UBL5: variants seen among roughly 807,000 people sequenced by gnomAD.
The protein encoded by UBL5 is ubiquitin like 5.
UBL5 carries 13 observed loss-of-function variants against 11.7 expected under a neutral mutation model. The observed-to-expected ratio is 1.11, with a 90% confidence interval of 0.73 to 1.77. UBL5 has a LOEUF of 1.77. Ranked by LOEUF, UBL5 falls within the 40% of genes most tolerant of loss-of-function variation. UBL5 has a pLI of 0.00. For synonymous variants in UBL5, 28 were observed against 34.7 expected, an observed-to-expected ratio of 0.81 and a Z score of 0.68; for missense variants, 58 against 92.3, an observed-to-expected ratio of 0.63 and a Z score of 1.52.
In UBL5 at chr19:9,828,420, G is replaced by A. The variant is rs577171358; in HGVS notation, c.56+27G>A. On this transcript the variant is annotated intron_variant, in intron 2 of 4. Transcript: ENST00000586895. Reference sequence around the variant, plus strand: ...TATCCACTGGCAGCCGAGAGGCAGTGGTACCCGCAGGGGTGCTTGGCGTGA... The same window carrying A: ...TATCCACTGGCAGCCGAGAGGCAGTAGTACCCGCAGGGGTGCTTGGCGTGA... 68 of 1,614,004 alleles carry A rather than the reference G, an allele frequency of 4.2e-5. No homozygotes were observed. The South Asian group carries it at 6.9e-4, about 16-fold the overall frequency.
chr19:9,828,291 C>G (rs781089294), intron 1 of UBL5, 36 bp from the exon 2 acceptor site: 1 of 1,604,088 alleles, frequency 6.2e-7, no homozygotes, highest in Admixed American at 1.7e-5. Context: ...GAAGCTCTGA[C>G]TTTGCTGCCT....
At chr19:9,829,147 A>C (rs1441482380) in intron 4 of UBL5, 1 of 488,344 alleles carries the variant, frequency 2.0e-6, no homozygotes, top group East Asian at 3.2e-5. Flanking sequence ...AGGCATATCT[A>C]TTGTGCAAAA....
intron 1 of UBL5, 158 bp downstream of exon 1, chr19:9,828,142 C>G (rs1417712597): frequency 3.2e-6 from 2 of 624,422 alleles, no homozygotes; most frequent in African/African-American, 3.7e-5. Flanking sequence ...GGTTCGCGGC[C>G]CTGGGACAGG....
chr19:9,829,061 T>C lies in UBL5; in HGVS notation c.178+187T>C. 17 of 632,626 alleles carry C rather than the reference T, an allele frequency of 2.7e-5. 1 individual carries two copies. The highest frequency in any genetic ancestry group is 2.8e-6 in the Non-Finnish European group (1 of 358,618). 39.2% of individuals were successfully genotyped at this position (632,626 alleles called of 1,614,324 possible). On this transcript the variant is annotated intron_variant, in intron 4 of 4. Transcript: ENST00000586895. Reference sequence around the variant, plus strand: ...GGAGGAGAGTGGTTGGTGAAATAGTTTGACTTCAAGTTCAAAATATTTATT... The same window carrying C: ...GGAGGAGAGTGGTTGGTGAAATAGTCTGACTTCAAGTTCAAAATATTTATT...
rs376951970 is a variant in UBL5 at position 9,828,575 on chromosome 19, A to C, written c.57-17A>C. On this transcript the variant is annotated splice_polypyrimidine_tract_variant and intron_variant, in intron 2 of 4. Coordinates refer to ENST00000586895, the MANE Select transcript of UBL5 (RefSeq NM_001048241.3). Reference sequence around the variant, plus strand: ...TCGTTCTACCGCTTCCATTTGCCTTAACTGCTCTGCGCCCAGCACGGATGA... The same window carrying C: ...TCGTTCTACCGCTTCCATTTGCCTTCACTGCTCTGCGCCCAGCACGGATGA... 1.9e-6 allele frequency: 3 copies of C among 1,614,048 alleles called. No homozygotes were observed. In the African/African-American group the frequency reaches 4.0e-5, roughly 22 times the overall value.
At chr19:9,828,494 A>T in intron 2 of UBL5, 98 bp from the exon 3 acceptor site, 2 of 1,606,384 alleles carry the variant, frequency 1.2e-6, no homozygotes, top group Non-Finnish European at 1.7e-6. Flanking sequence ...TAAACCCGGG[A>T]GAGGGGGCGG....
intron 4 of UBL5, 161 bp from the exon 5 acceptor site, chr19:9,829,804 C>T: frequency 1.4e-6 from 1 of 720,792 alleles, no homozygotes; most frequent in Non-Finnish European, 2.3e-6. Context: ...GCCAGAAATT[C>T]TTTTGTAAAG....
chr19:9,830,012 A>G lies in UBL5; in HGVS notation c.*4A>G. The G allele has an allele frequency of 6.2e-7, 1 of 1,614,002 alleles. No individual in the cohort carries two copies. Among genetic ancestry groups the G allele is most frequent in the Non-Finnish European group, 8.5e-7 (1 of 1,179,926 alleles). On this transcript the variant is annotated 3_prime_UTR_variant, in exon 5 of 5. Coordinates refer to ENST00000586895, the MANE Select transcript of UBL5 (RefSeq NM_001048241.3). ...CCTGGAGCTTTATTATCAATAGATG[A>G]GAATCCTCATCTTCCTGCCCCGCTT...
At chr19:9,829,433 G>A (rs909058249) in intron 4 of UBL5, 16 of 160,564 alleles carry the variant, frequency 1.0e-4, no homozygotes, top group South Asian at 3.2e-4. Flanking sequence ...CTCCCGCCTC[G>A]GCCTCCCAAA....
rs373090792 is a variant in UBL5 at position 9,828,928 on chromosome 19, C to G, written c.178+54C>G. On this transcript the variant is annotated intron_variant, in intron 4 of 4. Coordinates refer to ENST00000586895, the MANE Select transcript of UBL5 (RefSeq NM_001048241.3). ...CATCTACATACCCAGCCTCGGTTAT[C>G]TGTTCAAAACTAAAGTCTGCATGAG... 73 of 1,555,816 alleles carry G rather than the reference C, an allele frequency of 4.7e-5. No homozygotes were observed. The African/African-American group carries it at 8.3e-4, about 18-fold the overall frequency.
intron 2 of UBL5, 57 bp downstream of exon 2, chr19:9,828,450 G>A: frequency 6.2e-7 from 1 of 1,609,452 alleles, no homozygotes; most frequent in Non-Finnish European, 8.5e-7. Flanking sequence ...GCGTGAGGCA[G>A]GCAACTCAAT....
In UBL5 at chr19:9,829,323, G is replaced by A. The variant is rs145307517; in HGVS notation, c.178+449G>A. The stretch of plus-strand genomic sequence containing the variant: ...AGCTTCCCAAGTAGCTGGGATTACA[G>A]GTGTGTGCCACCACTCCCTGCTAGT... On this transcript the variant is annotated intron_variant, in intron 4 of 4. Transcript: ENST00000586895. 7.4e-5 allele frequency: 13 copies of A among 176,794 alleles called. No individual in the cohort carries two copies. In the East Asian group the frequency reaches 2.0e-3, roughly 27 times the overall value. The allele number at this position is 176,794 out of a possible 1,614,324, so 11.0% of individuals were successfully genotyped here.
At chr19:9,828,219 G>C in intron 1 of UBL5, 108 bp from the exon 2 acceptor site, 6 of 1,094,422 alleles carry the variant, frequency 5.5e-6, no homozygotes, top group Non-Finnish European at 8.4e-6. Flanking sequence ...CAGTAACCTG[G>C]AATTTTAGGG....
chr19:9,828,763 G>A, intron 3 of UBL5, 74 bp from the exon 4 acceptor site: 4 of 1,610,562 alleles, frequency 2.5e-6, no homozygotes, highest in African/African-American at 1.3e-5. Context: ...CTTTGCTTAG[G>A]CTTGGCTACC....
Position 9,827,920 on chromosome 19 carries a change from C to G in UBL5, c.-76C>G, listed in dbSNP as rs1055529511. The G allele has an allele frequency of 3.9e-6, 1 of 259,610 alleles. No homozygotes were observed. Among genetic ancestry groups the G allele is most frequent in the Non-Finnish European group, 7.6e-6 (1 of 131,388 alleles). 16.1% of individuals were successfully genotyped at this position (259,610 alleles called of 1,614,324 possible). Reference sequence around the variant, plus strand: ...TTCCGCTTCCGGTTCCTAGCGTTAACTGCGACCGGGGTTCAGCGCTCGGGT... The same window carrying G: ...TTCCGCTTCCGGTTCCTAGCGTTAAGTGCGACCGGGGTTCAGCGCTCGGGT... On this transcript the variant is annotated 5_prime_UTR_variant, in exon 1 of 5. Transcript: ENST00000586895.
chr19:9,830,076 T>C lies in UBL5; in HGVS notation c.*68T>C, dbSNP rs2046047607. 2 of 1,594,968 alleles carry C rather than the reference T, an allele frequency of 1.3e-6. No homozygotes were observed. The highest frequency in any genetic ancestry group is 2.2e-5 in the South Asian group (2 of 90,242). On this transcript the variant is annotated 3_prime_UTR_variant, in exon 5 of 5. Transcript: ENST00000586895. ...TCATCCCCCACACTGGGATAGATGC[T>C]TGTTTGTAAAAACTCACCTTAATAA...
rs140979836 is a variant in UBL5 at position 9,829,605 on chromosome 19, C to T, written c.179-360C>T. 6.0e-3 allele frequency: 1,231 copies of T among 203,982 alleles called. 20 individuals are homozygous for T. Among genetic ancestry groups the T allele is most frequent in the African/African-American group, 0.028 (1,172 of 42,550 alleles). 12.6% of individuals were successfully genotyped at this position (203,982 alleles called of 1,614,324 possible). A position where few individuals can be genotyped will look rare whatever the true frequency, so the allele number is the denominator to read the frequency against. On this transcript the variant is annotated intron_variant, in intron 4 of 4. Transcript: ENST00000586895. ...CTACCTCCCAGGTTTAAGCGATTTT[C>T]CTGTCTCAGCCTTCCAAGTAGCTGG...
rs559815256 is a variant in UBL5, at chr19:9,828,753, C to G, written c.140+78C>G. 267 of 1,610,590 alleles carry G rather than the reference C, an allele frequency of 1.7e-4. No individual in the cohort carries two copies. In the African/African-American group the frequency reaches 3.0e-3, roughly 18 times the overall value. ...GGTTGGGGGAGCGCTGCAGGCAGCCCTTTGCTTAGGCTTGGCTACCTCATT... is the reference window on the plus strand; with the variant it reads ...GGTTGGGGGAGCGCTGCAGGCAGCCGTTTGCTTAGGCTTGGCTACCTCATT... On this transcript the variant is annotated intron_variant, in intron 3 of 4. Transcript: ENST00000586895.
Position 9,828,888 on chromosome 19 carries a change from G to C in UBL5, c.178+14G>C. 6.2e-7 allele frequency: 1 copy of C among 1,614,032 alleles called. No homozygotes were observed. The highest frequency in any genetic ancestry group is 8.5e-7 in the Non-Finnish European group (1 of 1,179,878). On this transcript the variant is annotated intron_variant, in intron 4 of 4. Coordinates refer to ENST00000586895, the MANE Select transcript of UBL5 (RefSeq NM_001048241.3). ...CTCTGGGGGACTGTATCCTTTGTGT[G>C]ACTTTTTGAGGAAGCATCTACATAC...
Sources: gnomAD v4.1 joint callset for allele counts on GRCh38, gnomAD v4.1.1 for gene constraint, MANE v1.5 for transcripts, NCBI Gene and HGNC (gene_info 2026-07-23, HGNC 2026-07-21) for gene names.